The following IGFL4 variants were observed in gnomAD, a reference collection of about 807,000 sequenced individuals.
IGFL4 encodes the protein IGF like family member 4.
In IGFL4, 12 loss-of-function variants were observed where a neutral mutation model predicts 15.4. The ratio of observed to expected loss-of-function variants is 0.78; its 90% confidence interval spans 0.50 to 1.26. IGFL4 has a LOEUF of 1.26. Among genes scored for constraint, IGFL4 ranks in the 50% most tolerant of loss-of-function variants. The probability of loss-of-function intolerance (pLI) is 0.00; values close to 1 mark genes in which losing one functional copy is unlikely to be tolerated. For missense variants in IGFL4, 126 were observed against 147.8 expected, an observed-to-expected ratio of 0.85 and a Z score of 0.76; for synonymous variants, 54 against 55.9, an observed-to-expected ratio of 0.97 and a Z score of 0.16.
At chr19:46,051,854 C>T (rs1450028603) in intron 2 of IGFL4, among the ~76,000 whole-genome samples, 1 of 152,070 alleles carries the variant, frequency 6.6e-6, no homozygotes, top group African/African-American at 2.4e-5. Flanking sequence ...TTAGACAAAA[C>T]AAACTTCAAA....
chr19:46,068,354 C>T (rs1969514540), intron 1 of IGFL4, among the ~76,000 whole-genome samples: 1 of 152,210 alleles, frequency 6.6e-6, no homozygotes. Flanking sequence ...AGACCTCGAG[C>T]TCTGAGTGTC....
chr19:46,072,164 AG>A (rs1268845080), intron 1 of IGFL4, among the ~76,000 whole-genome samples: 1 of 152,248 alleles, frequency 6.6e-6, no homozygotes, highest in Non-Finnish European at 1.5e-5. Context: ...TGGTGAACGA[AG>A]ACAGGATAAA....
chr19:46,052,929 T>A (rs1600672676), intron 2 of IGFL4, among the ~76,000 whole-genome samples: 1 of 112,714 alleles, frequency 8.9e-6, no homozygotes, highest in Non-Finnish European at 1.7e-5. Flanking sequence ...GGGCTCGAAG[T>A]AGTGGGAATT....
chr19:46,041,772 A>G (rs1969246127), upstream of IGFL4, among the ~76,000 whole-genome samples: 1 of 150,376 alleles, frequency 6.6e-6, no homozygotes, highest in Admixed American at 6.6e-5. Context: ...CAGGTATTAG[A>G]GCTTTGTAAA....
rs183073760 is a variant in IGFL4, at chr19:46,052,138, A to T, written c.-323+8047T>A. 1.9e-3 allele frequency among the ~76,000 whole-genome samples: 291 copies of T among 152,340 alleles called. 4 individuals are homozygous for T. Among genetic ancestry groups the T allele is most frequent in the African/African-American group, 6.4e-3 (267 of 41,574 alleles). On this transcript the variant is annotated intron_variant, in intron 2 of 5. Coordinates refer to the IGFL4 transcript ENST00000601672. ...GCTATACCCTAGAACAAATGGACTT[A>T]ACAGATATTTACACAACATTCTATG...
chr19:46,076,268 A>G (rs1248539007), intron 1 of IGFL4, among the ~76,000 whole-genome samples: 2 of 152,194 alleles, frequency 1.3e-5, no homozygotes, highest in Non-Finnish European at 2.9e-5. Context: ...TCTTGGAGGG[A>G]CACAAAAATT....
At chr19:46,049,182 G>T (rs1402631799) in intron 2 of IGFL4, among the ~76,000 whole-genome samples, 2 of 152,194 alleles carry the variant, frequency 1.3e-5, no homozygotes, top group African/African-American at 4.8e-5. Flanking sequence ...CACTTGGAGG[G>T]ACAGAGAAGC....
upstream of IGFL4, among the ~76,000 whole-genome samples, chr19:46,042,322 T>G (rs540744201): frequency 6.6e-6 from 1 of 152,198 alleles, no homozygotes. Flanking sequence ...AGACACATTC[T>G]CTCACCTACA....
intron 1 of IGFL4, among the ~76,000 whole-genome samples, chr19:46,061,758 G>T (rs1040646534): frequency 2.6e-5 from 4 of 152,136 alleles, no homozygotes; most frequent in Non-Finnish European, 5.9e-5. Context: ...GGAGTCTTAT[G>T]TCTGGGTGGG....
chr19:46,075,834 T>C (rs1969590365), intron 1 of IGFL4, among the ~76,000 whole-genome samples: 1 of 152,210 alleles, frequency 6.6e-6, no homozygotes, highest in Non-Finnish European at 1.5e-5. Flanking sequence ...TTCTTCTGTA[T>C]TAGAGATTTG....
At position 46,053,144 on chromosome 19, in the gene IGFL4, A is replaced by ATTAGTCAC. The variant is rs1969363145; in HGVS notation, c.-323+7033_-323+7040dup. Among the ~76,000 whole-genome samples the ATTAGTCAC allele has an allele frequency of 2.0e-5, 3 of 152,258 alleles. No homozygotes were observed. The South Asian group carries it at 6.2e-4, about 32-fold the overall frequency. On this transcript the variant is annotated intron_variant, in intron 2 of 5. Coordinates refer to the IGFL4 transcript ENST00000601672. ...ATAACAATTATTTGAAGTGGGGAAT[A>ATTAGTCAC]TTAGTCACTTACACTGCAATATAGC...
intron 2 of IGFL4, among the ~76,000 whole-genome samples, chr19:46,051,467 C>G (rs1277232465): frequency 2.6e-5 from 4 of 152,148 alleles, no homozygotes; most frequent in Non-Finnish European, 5.9e-5. Flanking sequence ...ATCACTTGCA[C>G]CCGGGAGGCA....
intron 1 of IGFL4, among the ~76,000 whole-genome samples, chr19:46,076,008 C>T (rs1079945): frequency 5.9e-5 from 9 of 152,100 alleles, no homozygotes; most frequent in African/African-American, 1.7e-4. Context: ...TCACAGTTTC[C>T]GGAAGTTTGA....
chr19:46,066,361 A>G (rs713409), intron 1 of IGFL4, among the ~76,000 whole-genome samples: 80,279 of 152,022 alleles, frequency 0.53, 21,539 homozygotes, highest in Non-Finnish European at 0.55. Flanking sequence ...TTATTTGCTA[A>G]ACTGGCAACC....
chr19:46,066,537 G>A (rs953308721), intron 1 of IGFL4, among the ~76,000 whole-genome samples: 1 of 152,140 alleles, frequency 6.6e-6, no homozygotes, highest in African/African-American at 2.4e-5. Flanking sequence ...GAGAAAAGAC[G>A]CTTATTTGGC....
At chr19:46,070,584 C>G (rs906119720) in intron 1 of IGFL4, among the ~76,000 whole-genome samples, 3 of 152,136 alleles carry the variant, frequency 2.0e-5, no homozygotes, top group Admixed American at 6.5e-5. Context: ...AACTACCCAT[C>G]ACCCAGCTCA....
intron 1 of IGFL4, among the ~76,000 whole-genome samples, chr19:46,062,223 T>C (rs4803895): frequency 0.39 from 59,834 of 152,166 alleles, 13,552 homozygotes; most frequent in Non-Finnish European, 0.52. Flanking sequence ...TTTTGAACTT[T>C]ACCAAAGGAA....
chr19:46,076,124 C>G (rs1374960965), intron 1 of IGFL4, among the ~76,000 whole-genome samples: 3 of 152,136 alleles, frequency 2.0e-5, no homozygotes, highest in Non-Finnish European at 4.4e-5. Context: ...AAAGGGGAAA[C>G]AAGAACAGAC....
At chr19:46,076,391 T>C (rs1336462976) in intron 1 of IGFL4, among the ~76,000 whole-genome samples, 1 of 152,176 alleles carries the variant, frequency 6.6e-6, no homozygotes, top group African/African-American at 2.4e-5. Flanking sequence ...TTTGACATAT[T>C]GTGATCAATG....
Sources: allele counts gnomAD v4.1 joint callset (sites outside exome capture counted in the v4.1 genomes callset), GRCh38; gene constraint gnomAD v4.1.1; transcripts MANE v1.5; gene names NCBI Gene and HGNC (gene_info 2026-07-23, HGNC 2026-07-21).